The following GOLT1B variants were observed in gnomAD, a reference collection of about 807,000 sequenced individuals.
GOLT1B encodes vesicle transport protein GOT1B.
Under a neutral mutation model 15.4 loss-of-function variants are expected in GOLT1B, and 3 were observed. The ratio of observed to expected loss-of-function variants is 0.19; its 90% CI spans 0.09 to 0.50. The LOEUF is 0.50. GOLT1B is among the 20% of genes least tolerant of loss of function. The pLI is 0.97. For synonymous variants in GOLT1B, 65 were observed against 56.2 expected (o/e 1.16, Z -0.70); for missense variants, 145 against 160.4 (o/e 0.90, Z 0.52).
chr12:21,509,764 C>G (rs138636085), intron 3 of GOLT1B, among the ~76,000 whole-genome samples: 3 of 151,976 alleles, frequency 2.0e-5, no homozygotes, highest in African/African-American at 7.3e-5. Context: ...AGAAAGGGAA[C>G]GACAGTTAAC....
chr12:21,517,509 A>G lies in GOLT1B; in HGVS notation c.*1802A>G, dbSNP rs1024151981. 1 of 152,202 alleles carries G rather than the reference A, an allele frequency of 6.6e-6. No homozygotes were observed. The highest frequency in any genetic ancestry group is 1.5e-5 in the Non-Finnish European group (1 of 67,912). 9.4% of individuals were successfully genotyped at this position (152,202 alleles called of 1,614,324 possible). A position where few individuals can be genotyped will look rare whatever the true frequency, so the allele number is the denominator to read the frequency against. On this transcript the variant is annotated 3_prime_UTR_variant, in exon 5 of 5. Transcript: ENST00000229314. ...CACATATTTTTGACCCATATTATTTACAATGTCTTGATAATTCTACCTTTT... is the reference window on the plus strand; with the variant it reads ...CACATATTTTTGACCCATATTATTTGCAATGTCTTGATAATTCTACCTTTT...
Position 21,508,590 on chromosome 12 carries a change from A to AATCAGTG in GOLT1B, c.296+30_296+36dup, listed in dbSNP as rs763383992. 1.3e-5 allele frequency: 14 copies of AATCAGTG among 1,093,742 alleles called. No homozygotes were observed. The South Asian group carries it at 1.9e-4, about 15-fold the overall frequency. 67.8% of individuals were successfully genotyped at this position (1,093,742 alleles called of 1,614,324 possible). ...AGGCATATTATTGTCTCTTTCAGTAAATCAGTGTGTCAGATAGTTAGTACA... is the reference window on the plus strand; with the variant it reads ...AGGCATATTATTGTCTCTTTCAGTAAATCAGTGATCAGTGTGTCAGATAGTTAGTACA... On this transcript the variant is annotated intron_variant, in intron 3 of 4. Transcript: ENST00000229314.
At chr12:21,515,290 TG>T in intron 4 of GOLT1B, 2 of 1,304,182 alleles carry the variant, frequency 1.5e-6, no homozygotes, top group Non-Finnish European at 2.1e-6. Context: ...AATATCTTAT[TG>T]GGTTCATTAA....
chr12:21,511,021 C>T (rs1312483660), intron 3 of GOLT1B, among the ~76,000 whole-genome samples: 14 of 152,154 alleles, frequency 9.2e-5, no homozygotes, highest in Admixed American at 2.6e-4. Flanking sequence ...TGGGTGTCCT[C>T]CCAATATAGT....
intron 1 of GOLT1B, among the ~76,000 whole-genome samples, chr12:21,506,406 G>A (rs1943678911): frequency 6.6e-6 from 1 of 151,956 alleles, no homozygotes; most frequent in Admixed American, 6.6e-5. Context: ...TGATTGTGCG[G>A]ACCTACCATA....
chr12:21,503,470 G>A (rs1943655233), intron 1 of GOLT1B, among the ~76,000 whole-genome samples: 1 of 152,188 alleles, frequency 6.6e-6, no homozygotes, highest in Non-Finnish European at 1.5e-5. Context: ...AATAATCTGT[G>A]CATAGAAATT....
rs1943628260 is a variant in GOLT1B at position 21,501,864 on chromosome 12, C to T, written c.-60C>T. The stretch of plus-strand genomic sequence containing the variant: ...TGTTTCCCGGCTTCATTTCTCCCGA[C>T]TCAGCTTCCCACCCTGGGCTTTCCG... On this transcript the variant is annotated 5_prime_UTR_variant, in exon 1 of 5. Transcript: ENST00000229314. 1.6e-6 allele frequency: 2 copies of T among 1,248,168 alleles called. No homozygotes were observed. The highest frequency in any genetic ancestry group is 3.5e-5 in the Admixed American group (2 of 57,854). 77.3% of individuals were successfully genotyped at this position (1,248,168 alleles called of 1,614,324 possible). A position where few individuals can be genotyped will look rare whatever the true frequency, so the allele number is the denominator to read the frequency against.
intron 2 of GOLT1B, 95 bp from the exon 3 acceptor site, chr12:21,508,288 T>G: frequency 1.3e-6 from 1 of 756,306 alleles, no homozygotes; most frequent in Non-Finnish European, 2.1e-6. Context: ...CAAACAAATG[T>G]GCTTCTTTTT....
At chr12:21,508,039 T>C in intron 2 of GOLT1B, 1 of 436,854 alleles carries the variant, frequency 2.3e-6, no homozygotes, top group Non-Finnish European at 4.5e-6. Flanking sequence ...CCTTGCCAAC[T>C]CATCTGCTTG....
At chr12:21,508,601 C>T (rs762835460) in intron 3 of GOLT1B, 40 bp downstream of exon 3, 1 of 973,144 alleles carries the variant, frequency 1.0e-6, no homozygotes, top group South Asian at 1.4e-5. Context: ...ATCAGTGTGT[C>T]AGATAGTTAG....
intron 3 of GOLT1B, among the ~76,000 whole-genome samples, chr12:21,511,794 G>A (rs376719264): frequency 6.6e-6 from 1 of 152,246 alleles, no homozygotes; most frequent in East Asian, 1.9e-4. Context: ...TTCCTATACT[G>A]AGGTAGCTTA....
chr12:21,515,300 A>G, intron 4 of GOLT1B: 1 of 1,105,982 alleles, frequency 9.0e-7, no homozygotes, highest in Non-Finnish European at 1.3e-6. Context: ...TGGGTTCATT[A>G]ATGCATGAAT....
chr12:21,509,242 T>C (rs571507082), intron 3 of GOLT1B, among the ~76,000 whole-genome samples: 3 of 151,876 alleles, frequency 2.0e-5, no homozygotes, highest in African/African-American at 4.8e-5. Flanking sequence ...CTACTAAAAA[T>C]TCAAAAATTA....
chr12:21,515,402 T>TGTGTTGCATTTTTC (rs1196708635), intron 4 of GOLT1B: 14 of 585,554 alleles, frequency 2.4e-5, no homozygotes, highest in Non-Finnish European at 4.1e-5. Context: ...CTTTATTCAT[T>TGTGTTGCATTTTTC]GTGTTGCATT....
rs1251087123 is a variant in GOLT1B, at chr12:21,516,684, A to G, written c.*977A>G. The G allele has an allele frequency of 6.6e-6, 1 of 152,046 alleles. No individual in the cohort carries two copies. The highest frequency in any genetic ancestry group is 1.9e-4 in the East Asian group (1 of 5,200). The allele number at this position is 152,046 out of a possible 1,614,324, so 9.4% of individuals were successfully genotyped here. On this transcript the variant is annotated 3_prime_UTR_variant, in exon 5 of 5. Coordinates refer to ENST00000229314, the MANE Select transcript of GOLT1B (RefSeq NM_016072.5). ...CTTTTGATAATGTTTACTTTAAGACATGTAACATGTTAAAAGGTTAAACTT... is the reference window on the plus strand; with the variant it reads ...CTTTTGATAATGTTTACTTTAAGACGTGTAACATGTTAAAAGGTTAAACTT...
intron 1 of GOLT1B, 111 bp downstream of exon 1, chr12:21,502,059 C>T (rs191196629): frequency 3.7e-6 from 3 of 802,724 alleles, no homozygotes; most frequent in Non-Finnish European, 6.5e-6. Context: ...GGGGCGGTGG[C>T]CTGCGAGACA....
chr12:21,512,482 A>AT, intron 4 of GOLT1B, 106 bp downstream of exon 4: 1 of 700,040 alleles, frequency 1.4e-6, no homozygotes, highest in South Asian at 1.7e-5. Context: ...GTTTTGTATT[A>AT]TGATATAGTT....
chr12:21,512,668 A>T (rs1409450279), intron 4 of GOLT1B, among the ~76,000 whole-genome samples: 1 of 152,122 alleles, frequency 6.6e-6, no homozygotes, highest in Non-Finnish European at 1.5e-5. Flanking sequence ...GGCATTTTTT[A>T]TTTAACTTTT....
At chr12:21,513,174 T>A (rs1430598352) in intron 4 of GOLT1B, among the ~76,000 whole-genome samples, 1 of 151,958 alleles carries the variant, frequency 6.6e-6, no homozygotes, top group East Asian at 1.9e-4. Context: ...AACAAGCTTG[T>A]CAAATTTGTT....
Sources: allele counts gnomAD v4.1 joint callset (sites outside exome capture counted in the v4.1 genomes callset), GRCh38; gene constraint gnomAD v4.1.1; transcripts MANE v1.5; gene names NCBI Gene and HGNC (gene_info 2026-07-23, HGNC 2026-07-21).